Variants in AUTS2 observed in about 807,000 individuals in gnomAD.
The protein encoded by AUTS2 is activator of transcription and developmental regulator AUTS2, also known as autism susceptibility gene 2 protein.
Under a neutral mutation model 112.4 loss-of-function variants are expected in AUTS2, and 17 were observed. The observed-to-expected ratio is 0.15, with a 90% confidence interval of 0.10 to 0.23. The LOEUF is 0.23. AUTS2 is among the 10% of genes least tolerant of loss of function. The probability of loss-of-function intolerance (pLI) is 1.00; values close to 1 mark genes in which losing one functional copy is unlikely to be tolerated. For missense variants in AUTS2, 1,510 were observed against 1,701.6 expected, an observed-to-expected ratio of 0.89 and a Z score of 1.98; for synonymous variants, 751 against 702.7, an observed-to-expected ratio of 1.07 and a Z score of -1.09.
chr7:70,529,376 T>A (rs1379734364), intron 5 of AUTS2, among the ~76,000 whole-genome samples: 1 of 152,214 alleles, frequency 6.6e-6, no homozygotes, highest in African/African-American at 2.4e-5. Context: ...AGAGTGACTC[T>A]CGTTTTACAA....
chr7:70,331,735 T>C (rs1790761021), intron 4 of AUTS2, among the ~76,000 whole-genome samples: 1 of 152,142 alleles, frequency 6.6e-6, no homozygotes, highest in South Asian at 2.1e-4. Context: ...ATTATCTCAA[T>C]AGATGCAGAA....
chr7:69,899,190 A>G (rs1794869104), intron 1 of AUTS2, 96 bp from the exon 2 acceptor site: 2 of 870,404 alleles, frequency 2.3e-6, no homozygotes, highest in East Asian at 2.5e-5. Flanking sequence ...TCTCCCACTT[A>G]GTAGTAACAC....
intron 5 of AUTS2, among the ~76,000 whole-genome samples, chr7:70,528,292 TA>T (rs554087848): frequency 3.2e-4 from 46 of 144,422 alleles, no homozygotes; most frequent in African/African-American, 4.8e-4. Flanking sequence ...AAAAAAATAA[TA>T]AAAAAAAAAC....
intron 5 of AUTS2, among the ~76,000 whole-genome samples, chr7:70,519,221 C>T (rs1415192002): frequency 6.6e-6 from 1 of 152,074 alleles, no homozygotes; most frequent in African/African-American, 2.4e-5. Context: ...GTTCAAAGGA[C>T]ATGGCCATGG....
chr7:69,862,064 A>C (rs1359252266), intron 1 of AUTS2, among the ~76,000 whole-genome samples: 1 of 152,210 alleles, frequency 6.6e-6, no homozygotes, highest in Non-Finnish European at 1.5e-5. Flanking sequence ...AACATTAAAG[A>C]TGGTATCCTT....
chr7:70,225,422 A>T (rs4475377), intron 4 of AUTS2, among the ~76,000 whole-genome samples: 1 of 152,014 alleles, frequency 6.6e-6, no homozygotes. Context: ...TAGCATCTTG[A>T]TGGGTAGTCA....
chr7:69,778,219 C>G (rs1788975699), intron 1 of AUTS2, among the ~76,000 whole-genome samples: 1 of 140,146 alleles, frequency 7.1e-6, no homozygotes, highest in African/African-American at 2.7e-5. Flanking sequence ...ATCACAGGGC[C>G]TTATCCCCAT....
chr7:70,698,657 T>C, intron 6 of AUTS2, 37 bp downstream of exon 6: 1 of 1,465,640 alleles, frequency 6.8e-7, no homozygotes, highest in Non-Finnish European at 9.4e-7. Context: ...ATGGCTTATT[T>C]TTATGTTAGT....
chr7:70,071,295 G>C (rs1304444855), intron 2 of AUTS2, among the ~76,000 whole-genome samples: 1 of 152,204 alleles, frequency 6.6e-6, no homozygotes, highest in African/African-American at 2.4e-5. Context: ...GGGAAAGAGA[G>C]TCTTCCATGC....
At chr7:69,721,467 A>G (rs761501702) in intron 1 of AUTS2, among the ~76,000 whole-genome samples, 11 of 152,176 alleles carry the variant, frequency 7.2e-5, no homozygotes, top group Non-Finnish European at 1.6e-4. Context: ...TTTCTCTGCT[A>G]GAAGTAAGTT....
chr7:69,667,890 A>G (rs553464316), intron 1 of AUTS2, among the ~76,000 whole-genome samples: 1 of 152,080 alleles, frequency 6.6e-6, no homozygotes, highest in African/African-American at 2.4e-5. Context: ...CCATAAAACA[A>G]TGTGTATACT....
intron 5 of AUTS2, among the ~76,000 whole-genome samples, chr7:70,646,897 C>T (rs1308450968): frequency 6.6e-6 from 1 of 152,222 alleles, no homozygotes; most frequent in East Asian, 1.9e-4. Context: ...AGTTCCCTAC[C>T]TTTGCCCATT....
At chr7:70,167,686 A>G (rs1014871754) in intron 4 of AUTS2, among the ~76,000 whole-genome samples, 1 of 152,196 alleles carries the variant, frequency 6.6e-6, no homozygotes, top group Non-Finnish European at 1.5e-5. Context: ...AATAAGTGTA[A>G]AAGCATTGAA....
chr7:69,754,104 C>T lies in AUTS2; in HGVS notation c.310-145182C>T, dbSNP rs953840924. ...TTTTGTGCAGAGTGCTCCTTTCCCT[C>T]CTCTGGTGTCTTCACAGGTGACTCA... On this transcript the variant is annotated intron_variant, in intron 1 of 18. Transcript: ENST00000342771. Among the ~76,000 whole-genome samples, 12 of 152,148 alleles carry T rather than the reference C, an allele frequency of 7.9e-5. No homozygotes were observed. The East Asian group carries it at 2.1e-3, about 27-fold the overall frequency.
chr7:70,633,694 T>A (rs553059753), intron 5 of AUTS2, among the ~76,000 whole-genome samples: 136 of 151,992 alleles, frequency 8.9e-4, no homozygotes, highest in Non-Finnish European at 1.8e-3. Flanking sequence ...TAAAAGCTTG[T>A]ATATAGGATA....
intron 5 of AUTS2, among the ~76,000 whole-genome samples, chr7:70,489,522 A>G (rs1160796050): frequency 6.6e-6 from 1 of 152,220 alleles, no homozygotes; most frequent in East Asian, 1.9e-4. Flanking sequence ...AGAGACGACA[A>G]AAATCAGGTT....
intron 5 of AUTS2, among the ~76,000 whole-genome samples, chr7:70,452,260 A>G (rs1796565600): frequency 6.6e-6 from 1 of 152,180 alleles, no homozygotes; most frequent in Admixed American, 6.5e-5. Flanking sequence ...CAAGGTGTAG[A>G]CCAACCTGAG....
At chr7:70,356,706 C>G (rs891099274) in intron 4 of AUTS2, among the ~76,000 whole-genome samples, 2 of 152,080 alleles carry the variant, frequency 1.3e-5, no homozygotes, top group African/African-American at 2.4e-5. Context: ...CTCCTCCCCC[C>G]ACCTCCCCAC....
At chr7:70,610,534 C>T (rs1257844508) in intron 5 of AUTS2, among the ~76,000 whole-genome samples, 1 of 148,202 alleles carries the variant, frequency 6.7e-6, no homozygotes, top group Non-Finnish European at 1.5e-5. Context: ...CTCCTGGGCT[C>T]AGGCTTTCCC....
Sources: allele counts gnomAD v4.1 joint callset (sites outside exome capture counted in the v4.1 genomes callset), GRCh38; gene constraint gnomAD v4.1.1; transcripts MANE v1.5; gene names NCBI Gene and HGNC (gene_info 2026-07-23, HGNC 2026-07-21).